The following SETX variants were observed in gnomAD, a reference collection of about 807,000 sequenced individuals.
The protein encoded by SETX is helicase senataxin.
In SETX, 90 loss-of-function variants were observed where a neutral mutation model predicts 227.2. The observed-to-expected ratio is 0.40, with a 90% confidence interval of 0.33 to 0.47. The LOEUF (loss-of-function observed/expected upper bound fraction) is 0.47, where lower values mean the gene tolerates loss of function less well. SETX is among the 20% of genes least tolerant of loss of function. The pLI is 0.91. For synonymous variants in SETX, 1,210 were observed against 1,113.2 expected, an observed-to-expected ratio of 1.09 and a Z score of -1.73; for missense variants, 3,052 against 3,181.5, an observed-to-expected ratio of 0.96 and a Z score of 0.98.
chr9:132,302,231 T>C (rs10901152), intron 11 of SETX, among the ~76,000 whole-genome samples: 37,520 of 150,504 alleles, frequency 0.25, 5,850 homozygotes, highest in East Asian at 0.67. Flanking sequence ...GTGGCAGGCA[T>C]CTGTAGTCCC....
Position 132,329,030 on chromosome 9 carries a change from T to C in SETX, c.2568A>G (p.Gln856=), listed in dbSNP as rs1419172461. The change falls in exon 10 of 26, where the codon CAA becomes CAG. Residue 856 remains glutamine (Q), a synonymous_variant. Coordinates refer to ENST00000224140, the MANE Select transcript of SETX (RefSeq NM_015046.7). ...SGVLDDKNGE[Q]KSQNNVLPKE... is the part of the protein sequence containing the mutation. ...TTGGCAATACATTGTTTTGAGATTT[T>C]TGTTCTCCATTCTTATCATCCAGAA... 1 of 1,607,812 alleles carries C rather than the reference T, an allele frequency of 6.2e-7. No individual in the cohort carries two copies. Among genetic ancestry groups the C allele is most frequent in the South Asian group, 1.1e-5 (1 of 90,632 alleles).
At chr9:132,350,078 A>C (rs1484343462) in intron 2 of SETX, among the ~76,000 whole-genome samples, 4 of 151,826 alleles carry the variant, frequency 2.6e-5, no homozygotes, top group African/African-American at 9.7e-5. Context: ...GTAAGCTGGG[A>C]ACGGTGGCTC....
intron 2 of SETX, among the ~76,000 whole-genome samples, chr9:132,353,170 A>C (rs1340590768): frequency 6.6e-6 from 1 of 152,172 alleles, no homozygotes; most frequent in African/African-American, 2.4e-5. Context: ...TGCTGAGCTC[A>C]ACACACACAA....
intron 4 of SETX, among the ~76,000 whole-genome samples, chr9:132,345,723 TAAA>T (rs978068099): frequency 6.6e-6 from 1 of 152,184 alleles, no homozygotes; most frequent in African/African-American, 2.4e-5. Context: ...ATTTTCACAA[TAAA>T]ATGTTGAGAG....
Position 132,298,285 on chromosome 9 carries a change from A to T in SETX, c.5576T>A (p.Leu1859His). The change falls in exon 13 of 26, where the codon CTT becomes CAT. Residue 1859 changes from leucine to histidine, a missense_variant. Leu to His is a moderately conservative substitution (Grantham distance 99). Around this residue, in one of 10 missense-constraint regions of SETX, gnomAD observed 239 missense variants for 272.1 expected, o/e 0.88. Transcript: ENST00000224140. ...AAAGTTCTCTTGAGTCTGGATGGAAAGGTAACACTCAGTTTTCCCATTACG... is the reference window on the plus strand; with the variant it reads ...AAAGTTCTCTTGAGTCTGGATGGAATGGTAACACTCAGTTTTCCCATTACG... ...VMRNGKTECYLSIQTQENFPA... is the reference protein window; with the variant it reads ...VMRNGKTECYHSIQTQENFPA... 6.2e-7 allele frequency: 1 copy of T among 1,614,172 alleles called. No homozygotes were observed. The highest frequency in any genetic ancestry group is 8.5e-7 in the Non-Finnish European group (1 of 1,179,992).
At position 132,278,437 on chromosome 9, in the gene SETX, CTTTTTTTTTTTTTTTTTTTTTT is replaced by C. The variant is rs67558000; in HGVS notation, c.6655-202_6655-181del. On this transcript the variant is annotated intron_variant, in intron 20 of 25. Transcript: ENST00000224140. Reference sequence around the variant, plus strand: ...CTCTGAGCCTCAAAATGCCATGAATCTTTTTTTTTTTTTTTTTTTTTTTTTTTTTTTTTTGGAGACACAGTCT... The same window carrying C: ...CTCTGAGCCTCAAAATGCCATGAATCTTTTTTTTTTTTGGAGACACAGTCT... Among the ~76,000 whole-genome samples the C allele has an allele frequency of 4.5e-3, 379 of 84,910 alleles. 4 individuals are homozygous for C. The highest frequency in any genetic ancestry group is 0.011 in the South Asian group (25 of 2,180). 55.7% of individuals were successfully genotyped at this position (84,910 alleles called of 152,430 possible).
intron 19 of SETX, chr9:132,282,994 T>TA (rs1843629102): frequency 4.1e-6 from 2 of 482,740 alleles, no homozygotes; most frequent in African/African-American, 2.0e-5. Context: ...AGAGATATTC[T>TA]AAGCAGGAGT....
chr9:132,349,078 T>A (rs1283373637), intron 3 of SETX, among the ~76,000 whole-genome samples, 174 bp downstream of exon 3: 1 of 151,390 alleles, frequency 6.6e-6, no homozygotes, highest in Non-Finnish European at 1.5e-5. Context: ...CCAGCCTGAG[T>A]GACAGAGTGA....
chr9:132,322,517 A>G (rs1484018120), intron 10 of SETX, among the ~76,000 whole-genome samples: 1 of 152,194 alleles, frequency 6.6e-6, no homozygotes, highest in Non-Finnish European at 1.5e-5. Context: ...ACTTAGCACA[A>G]TGTTTTCAAG....
Position 132,329,149 on chromosome 9 carries a change from C to T in SETX, c.2449G>A (p.Val817Ile). ...GAATAGAAACTCTCAATGTTAGATACAGTCAAATTTTCATCTAAATTGATA... is the reference window on the plus strand; with the variant it reads ...GAATAGAAACTCTCAATGTTAGATATAGTCAAATTTTCATCTAAATTGATA... ...NTINLDENLT[V>I]SNIESFYSRK... The change falls in exon 10 of 26, where the codon GTA (valine) becomes ATA (isoleucine). Residue 817 changes from valine (V) to isoleucine (I), a missense_variant. By Grantham distance (29) the Val-to-Ile change is conservative. Around this residue, in one of 10 missense-constraint regions of SETX, gnomAD observed 1,483 missense variants for 1,312.0 expected, o/e 1.13. Transcript: ENST00000224140. 2 of 1,611,372 alleles carry T rather than the reference C, an allele frequency of 1.2e-6. No homozygotes were observed. The highest frequency in any genetic ancestry group is 1.7e-6 in the Non-Finnish European group (2 of 1,179,594).
chr9:132,339,807 G>T (rs376001454), intron 5 of SETX, among the ~76,000 whole-genome samples: 27 of 152,198 alleles, frequency 1.8e-4, no homozygotes, highest in African/African-American at 6.3e-4. Context: ...TAGAGACAGG[G>T]TTTCATCATG....
rs200908755 is a variant in SETX at position 132,278,031 on chromosome 9, T to A, written c.6842+39A>T. 124 of 1,580,038 alleles carry A rather than the reference T, an allele frequency of 7.8e-5. No homozygotes were observed. The African/African-American group carries it at 1.5e-3, about 19-fold the overall frequency. On this transcript the variant is annotated intron_variant, in intron 21 of 25. Transcript: ENST00000224140. ...GTCTATTCTTCATAAGTAGCTAAAC[T>A]ACAACAAAATAAGGTCACAAACAAT...
At chr9:132,291,741 A>G (rs1163457488) in intron 15 of SETX, among the ~76,000 whole-genome samples, 1 of 152,096 alleles carries the variant, frequency 6.6e-6, no homozygotes, top group Non-Finnish European at 1.5e-5. Flanking sequence ...TTTGTTCTTT[A>G]ACATTCTTGA....
chr9:132,276,966 G>C, intron 22 of SETX, 94 bp downstream of exon 22: 1 of 1,057,394 alleles, frequency 9.5e-7, no homozygotes, highest in Non-Finnish European at 1.5e-6. Flanking sequence ...TAGGCAGAGA[G>C]ATGTGTATAG....
intron 20 of SETX, among the ~76,000 whole-genome samples, chr9:132,281,218 G>A (rs537548030): frequency 1.1e-4 from 16 of 152,104 alleles, no homozygotes; most frequent in Non-Finnish European, 7.4e-5. Flanking sequence ...TCCATGGCAC[G>A]TCATCCATCT....
intron 10 of SETX, among the ~76,000 whole-genome samples, chr9:132,313,288 A>G (rs1275501582): frequency 1.3e-5 from 2 of 152,210 alleles, no homozygotes; most frequent in African/African-American, 4.8e-5. Context: ...ACAAAGATAA[A>G]AAAAATGGAT....
chr9:132,284,727 G>A (rs1564487305), intron 18 of SETX, among the ~76,000 whole-genome samples: 1 of 152,128 alleles, frequency 6.6e-6, no homozygotes, highest in Admixed American at 6.5e-5. Flanking sequence ...ATATCAAAGT[G>A]CTGTACTTTC....
chr9:132,355,387 T>C (rs1417185161), upstream of SETX, among the ~76,000 whole-genome samples: 1 of 152,260 alleles, frequency 6.6e-6, no homozygotes, highest in African/African-American at 2.4e-5. Flanking sequence ...GCGGATGTAC[T>C]ACGGTGACGA....
chr9:132,302,398 G>A (rs1423777287), intron 11 of SETX, among the ~76,000 whole-genome samples: 2 of 142,048 alleles, frequency 1.4e-5, no homozygotes, highest in African/African-American at 5.3e-5. Context: ...GGTGGCTCAC[G>A]CCTGTAATCC....
Sources: gnomAD v4.1 joint callset for allele counts (sites outside exome capture counted in the v4.1 genomes callset) on GRCh38, gnomAD v4.1.1 for gene constraint, gnomAD v4.1.1 regional missense constraint, MANE v1.5 for transcripts, NCBI Gene and HGNC (gene_info 2026-07-23, HGNC 2026-07-21) for gene names.